CPNE4: variants seen among roughly 807,000 people sequenced by gnomAD.
The protein encoded by CPNE4 is copine 4.
CPNE4 carries 25 observed loss-of-function variants against 67.9 expected under a neutral mutation model. The ratio of observed to expected loss-of-function variants is 0.37; its 90% confidence interval spans 0.27 to 0.51. CPNE4 has a LOEUF of 0.51. Among genes scored for constraint, CPNE4 ranks in the 20% least tolerant of loss-of-function variants. CPNE4 has a pLI of 0.93. For missense variants in CPNE4, 464 were observed against 690.8 expected (o/e 0.67, Z 3.68); for synonymous variants, 242 against 244.9 (o/e 0.99, Z 0.11).
At chr3:131,685,524 C>T (rs919041499) in intron 6 of CPNE4, among the ~76,000 whole-genome samples, 11 of 152,130 alleles carry the variant, frequency 7.2e-5, no homozygotes, top group African/African-American at 2.7e-4. Flanking sequence ...TGGCTCACGC[C>T]TGTAATCCCA....
intron 3 of CPNE4, among the ~76,000 whole-genome samples, chr3:131,702,789 A>T (rs1179651408): frequency 1.3e-5 from 2 of 152,212 alleles, no homozygotes; most frequent in Non-Finnish European, 2.9e-5. Flanking sequence ...CTTATCTAGA[A>T]ATACCAATGT....
chr3:131,797,459 C>T (rs959692668), intron 2 of CPNE4, among the ~76,000 whole-genome samples: 2 of 152,092 alleles, frequency 1.3e-5, no homozygotes, highest in African/African-American at 2.4e-5. Flanking sequence ...CAAAAGTGTT[C>T]GCTAGAGATT....
At chr3:131,778,634 A>G (rs1290463254) in intron 2 of CPNE4, among the ~76,000 whole-genome samples, 2 of 152,060 alleles carry the variant, frequency 1.3e-5, no homozygotes, top group Admixed American at 1.3e-4. Flanking sequence ...TCTTTTGGAG[A>G]GTGTGCCAAA....
At chr3:131,858,222 T>G (rs781265735) in intron 2 of CPNE4, among the ~76,000 whole-genome samples, 4 of 152,094 alleles carry the variant, frequency 2.6e-5, no homozygotes, top group Non-Finnish European at 4.4e-5. Flanking sequence ...GAACAGGTAA[T>G]GCAAAAGCAT....
intron 3 of CPNE4, among the ~76,000 whole-genome samples, chr3:131,715,654 A>G (rs1414452081): frequency 6.6e-6 from 1 of 152,228 alleles, no homozygotes; most frequent in African/African-American, 2.4e-5. Context: ...CTACTAAATA[A>G]AAGTGCCTGG....
intron 1 of CPNE4, among the ~76,000 whole-genome samples, chr3:131,946,039 A>G (rs79719119): frequency 0.021 from 3,273 of 152,308 alleles, 120 homozygotes; most frequent in African/African-American, 0.073. Flanking sequence ...TTCACATTAC[A>G]TAGAAACCAT....
At chr3:131,860,759 C>A (rs1332889734) in intron 2 of CPNE4, among the ~76,000 whole-genome samples, 10 of 152,280 alleles carry the variant, frequency 6.6e-5, no homozygotes, top group Admixed American at 4.6e-4. Context: ...AACTACCTAT[C>A]GTCTGTGTGC....
At chr3:131,765,574 C>T (rs76293541) in intron 2 of CPNE4, among the ~76,000 whole-genome samples, 2 of 152,184 alleles carry the variant, frequency 1.3e-5, no homozygotes, top group African/African-American at 2.4e-5. Flanking sequence ...CCCTTCACTT[C>T]CCCCATCTTA....
intron 5 of CPNE4, among the ~76,000 whole-genome samples, chr3:131,690,312 A>G (rs1363244855): frequency 6.6e-6 from 1 of 152,208 alleles, no homozygotes; most frequent in Non-Finnish European, 1.5e-5. Context: ...CAATAACCAA[A>G]GAAGCATGGT....
chr3:131,867,573 C>T (rs1370533791), intron 2 of CPNE4, among the ~76,000 whole-genome samples: 1 of 152,112 alleles, frequency 6.6e-6, no homozygotes, highest in Non-Finnish European at 1.5e-5. Flanking sequence ...CATGCAAATG[C>T]CAGTCCCTTG....
chr3:131,554,550 AC>A (rs1211324446), intron 12 of CPNE4, among the ~76,000 whole-genome samples: 1 of 152,086 alleles, frequency 6.6e-6, no homozygotes, highest in Non-Finnish European at 1.5e-5. Flanking sequence ...AAGAAGGAGA[AC>A]AGGTCAGGGA....
chr3:131,694,499 C>T (rs540811078), intron 5 of CPNE4, among the ~76,000 whole-genome samples: 55 of 152,264 alleles, frequency 3.6e-4, no homozygotes, highest in Non-Finnish European at 4.6e-4. Context: ...TGCCCTAACA[C>T]GATGTGGAGT....
chr3:131,602,132 C>G (rs1559966485), intron 7 of CPNE4, among the ~76,000 whole-genome samples: 1 of 152,170 alleles, frequency 6.6e-6, no homozygotes, highest in African/African-American at 2.4e-5. Flanking sequence ...GCCTTTGAAG[C>G]AAGCAACTTG....
At chr3:131,914,462 C>T (rs369006540) in intron 1 of CPNE4, among the ~76,000 whole-genome samples, 16 of 152,164 alleles carry the variant, frequency 1.1e-4, no homozygotes, top group African/African-American at 3.6e-4. Flanking sequence ...CTTTCTTCCC[C>T]CACATTTCAC....
intron 1 of CPNE4, among the ~76,000 whole-genome samples, chr3:131,966,478 G>C (rs900201608): frequency 1.3e-5 from 2 of 152,080 alleles, no homozygotes; most frequent in Non-Finnish European, 2.9e-5. Flanking sequence ...CCACTAGCCA[G>C]ACTAATAAAG....
intron 1 of CPNE4, among the ~76,000 whole-genome samples, chr3:131,910,157 G>T (rs989743227): frequency 6.6e-6 from 1 of 152,064 alleles, no homozygotes; most frequent in South Asian, 2.1e-4. Context: ...GGCCCTAAAA[G>T]GCTTACCTCC....
At chr3:131,785,648 A>C (rs1358773431) in intron 2 of CPNE4, among the ~76,000 whole-genome samples, 3 of 132,194 alleles carry the variant, frequency 2.3e-5, no homozygotes, top group South Asian at 2.5e-4. Flanking sequence ...ATCTGCCAGC[A>C]CTCTCTCTCT....
chr3:131,833,042 G>A (rs936593607), intron 2 of CPNE4, among the ~76,000 whole-genome samples: 16 of 152,110 alleles, frequency 1.1e-4, no homozygotes, highest in Admixed American at 5.9e-4. Flanking sequence ...GCCTATAAAA[G>A]AGACCCCAGA....
At chr3:131,575,538 A>C (rs1937529626) in intron 9 of CPNE4, among the ~76,000 whole-genome samples, 1 of 152,144 alleles carries the variant, frequency 6.6e-6, no homozygotes, top group South Asian at 2.1e-4. Context: ...TAATTTAGAT[A>C]GGCAGTTTTA....
Sources: allele counts gnomAD v4.1 joint callset (sites outside exome capture counted in the v4.1 genomes callset), GRCh38; gene constraint gnomAD v4.1.1; transcripts MANE v1.5; gene names NCBI Gene and HGNC (gene_info 2026-07-23, HGNC 2026-07-21).